Variants in HMCN1 observed in about 807,000 individuals in gnomAD.
The protein encoded by HMCN1 is hemicentin-1.
HMCN1 carries 321 observed loss-of-function variants against 625.9 expected under a neutral mutation model. The ratio of observed to expected loss-of-function variants is 0.51; its 90% CI spans 0.47 to 0.56. The LOEUF is 0.56. Ranked by LOEUF, HMCN1 falls within the 20% of genes least tolerant of loss-of-function variation. The probability of loss-of-function intolerance (pLI) is 0.00; values close to 1 mark genes in which losing one functional copy is unlikely to be tolerated. For synonymous variants in HMCN1, 2,425 were observed against 2,417.6 expected (o/e 1.00, Z -0.09); for missense variants, 6,588 against 6,887.3 (o/e 0.96, Z 1.54).
At position 186,137,695 on chromosome 1, in the gene HMCN1, C is replaced by A. The variant is rs758626396; in HGVS notation, c.13753+27C>A. The A allele has an allele frequency of 1.9e-6, 3 of 1,613,824 alleles. No homozygotes were observed. In the East Asian group the frequency reaches 6.7e-5, roughly 36 times the overall value. Reference sequence around the variant, plus strand: ...TACACCTCCTTATTTAACTGATAGGCATGTGTTTAATAGACCTTCATTTCT... The same window carrying A: ...TACACCTCCTTATTTAACTGATAGGAATGTGTTTAATAGACCTTCATTTCT... On this transcript the variant is annotated intron_variant, in intron 88 of 106. Transcript: ENST00000271588.
chr1:185,776,520 T>A (rs988259335), intron 1 of HMCN1, among the ~76,000 whole-genome samples: 2 of 151,798 alleles, frequency 1.3e-5, no homozygotes, highest in African/African-American at 4.8e-5. Context: ...TAATGTGGAG[T>A]AAATACAAAT....
At chr1:186,079,589 T>C (rs868447736) in intron 55 of HMCN1, among the ~76,000 whole-genome samples, 1 of 152,190 alleles carries the variant, frequency 6.6e-6, no homozygotes, top group Non-Finnish European at 1.5e-5. Flanking sequence ...TGCCTCTGCC[T>C]ATTCCTTGAC....
chr1:185,754,731 C>T (rs1200349534), intron 1 of HMCN1, among the ~76,000 whole-genome samples: 1 of 152,018 alleles, frequency 6.6e-6, no homozygotes, highest in Admixed American at 6.6e-5. Context: ...GCCTGTAGTC[C>T]CAGCTACTTG....
At chr1:186,123,407 C>T (rs1016640933) in intron 81 of HMCN1, among the ~76,000 whole-genome samples, 187 bp downstream of exon 81, 1 of 152,102 alleles carries the variant, frequency 6.6e-6, no homozygotes, top group Admixed American at 6.5e-5. Context: ...TGTGTTTGTG[C>T]ACATAGGTGT....
At chr1:186,010,173 G>C (rs188249033) in intron 30 of HMCN1, among the ~76,000 whole-genome samples, 5 of 151,976 alleles carry the variant, frequency 3.3e-5, no homozygotes, top group Non-Finnish European at 5.9e-5. Context: ...AGGGGTGTGC[G>C]TGTCTGTGTG....
chr1:185,797,793 C>A lies in HMCN1; in HGVS notation c.269-48233C>A, dbSNP rs1194427448. ...CATCCCGGCTAAAACGGTGAAACCC[C>A]GTCTCTACTAAAAATACAAAAAATT... On this transcript the variant is annotated intron_variant, in intron 1 of 106. Coordinates refer to ENST00000271588, the MANE Select transcript of HMCN1 (RefSeq NM_031935.3). 1.4e-5 allele frequency among the ~76,000 whole-genome samples: 2 copies of A among 140,972 alleles called. 1 individual carries two copies. Among genetic ancestry groups the A allele is most frequent in the African/African-American group, 6.3e-5 (2 of 31,920 alleles). 92.5% of individuals were successfully genotyped at this position (140,972 alleles called of 152,430 possible).
intron 1 of HMCN1, among the ~76,000 whole-genome samples, chr1:185,737,011 G>A (rs1653622435): frequency 6.6e-6 from 1 of 152,080 alleles, no homozygotes; most frequent in Non-Finnish European, 1.5e-5. Flanking sequence ...AAAATAAAGA[G>A]AGAAATTGAA....
At chr1:185,862,792 A>G (rs1347086101) in intron 2 of HMCN1, among the ~76,000 whole-genome samples, 2 of 152,204 alleles carry the variant, frequency 1.3e-5, no homozygotes, top group Non-Finnish European at 2.9e-5. Context: ...ATATTTTCCA[A>G]AGTGAAGATC....
rs577208572 is a variant in HMCN1, at chr1:186,165,749, C to T, written c.15320-435C>T. Among the ~76,000 whole-genome samples the T allele has an allele frequency of 5.3e-5, 8 of 152,298 alleles. No individual in the cohort carries two copies. In the South Asian group the frequency reaches 1.7e-3, roughly 32 times the overall value. On this transcript the variant is annotated intron_variant, in intron 98 of 106. Transcript: ENST00000271588. ...TCTTGTGATAAAGAGGTGGTCTTTCCACTGCCCAGGCACAAATCACAGCCC... is the reference window on the plus strand; with the variant it reads ...TCTTGTGATAAAGAGGTGGTCTTTCTACTGCCCAGGCACAAATCACAGCCC...
At chr1:185,814,222 C>G (rs1290575691) in intron 1 of HMCN1, among the ~76,000 whole-genome samples, 3 of 152,138 alleles carry the variant, frequency 2.0e-5, no homozygotes, top group Admixed American at 6.5e-5. Context: ...GTACAGGCCA[C>G]TCTTTTGAAG....
chr1:186,111,407 G>T (rs757103218), intron 71 of HMCN1, among the ~76,000 whole-genome samples: 2 of 152,002 alleles, frequency 1.3e-5, no homozygotes, highest in African/African-American at 2.4e-5. Context: ...CCAGCACTTC[G>T]GAAGGCCAAG....
At chr1:186,122,907 CT>C (rs1558240126) in intron 80 of HMCN1, 43 bp from the exon 81 acceptor site, 1 of 1,599,132 alleles carries the variant, frequency 6.3e-7, no homozygotes, top group Non-Finnish European at 8.5e-7. Flanking sequence ...CGCACTCATG[CT>C]TCTAAGATAA....
At chr1:185,835,421 TG>T (rs1661107470) in intron 1 of HMCN1, among the ~76,000 whole-genome samples, 1 of 151,118 alleles carries the variant, frequency 6.6e-6, no homozygotes, top group East Asian at 2.0e-4. Context: ...CGCAGTGCAT[TG>T]GTGACTTGTA....
chr1:185,800,504 T>A (rs902317902), intron 1 of HMCN1, among the ~76,000 whole-genome samples: 2 of 152,150 alleles, frequency 1.3e-5, no homozygotes, highest in Non-Finnish European at 2.9e-5. Context: ...TCTGTAAATA[T>A]GACTAATTAT....
At position 186,076,586 on chromosome 1, in the gene HMCN1, C is replaced by T. The variant is rs763457985; in HGVS notation, c.8449C>T (p.Pro2817Ser). 6.2e-7 allele frequency: 1 copy of T among 1,613,752 alleles called. No homozygotes were observed. Among genetic ancestry groups the T allele is most frequent in the East Asian group, 2.2e-5 (1 of 44,868 alleles). The change falls in exon 54 of 107, where the codon CCT (proline) becomes TCT (serine). Residue 2817 changes from proline (P) to serine (S), a missense_variant. Pro to Ser is a moderately conservative substitution (Grantham distance 74). This residue lies in a region of HMCN1 where 4,628 missense variants were observed against 4,853.1 expected (regional missense o/e 0.95). Transcript: ENST00000271588. ...ACTGACATGGTACAAAGATGGCCACCCTCTGACCTCAAGTGATAAAGTATT... is the reference window on the plus strand; with the variant it reads ...ACTGACATGGTACAAAGATGGCCACTCTCTGACCTCAAGTGATAAAGTATT... ...PTLTWYKDGH[P>S]LTSSDKVLIL...
chr1:185,756,381 A>C (rs1655134781), intron 1 of HMCN1, among the ~76,000 whole-genome samples: 1 of 151,900 alleles, frequency 6.6e-6, no homozygotes, highest in African/African-American at 2.4e-5. Flanking sequence ...AAAAGGGTAC[A>C]TGCCTTGAGT....
At chr1:185,913,778 T>C (rs949005280) in intron 6 of HMCN1, among the ~76,000 whole-genome samples, 6 of 152,178 alleles carry the variant, frequency 3.9e-5, no homozygotes, top group Admixed American at 3.9e-4. Context: ...ATTCATTCAG[T>C]CATGCATTCA....
chr1:185,760,527 T>A (rs1655425816), intron 1 of HMCN1, among the ~76,000 whole-genome samples: 1 of 152,200 alleles, frequency 6.6e-6, no homozygotes, highest in Non-Finnish European at 1.5e-5. Context: ...TTTTTTTAAA[T>A]TTATTCATTA....
chr1:186,173,408 T>G (rs946209295), intron 102 of HMCN1, among the ~76,000 whole-genome samples: 2 of 151,990 alleles, frequency 1.3e-5, no homozygotes, highest in Non-Finnish European at 2.9e-5. Context: ...CCTTATCATT[T>G]AAGAGTAGCA....
Sources: allele counts gnomAD v4.1 joint callset (sites outside exome capture counted in the v4.1 genomes callset), GRCh38; gene constraint gnomAD v4.1.1; regional missense constraint gnomAD v4.1.1; transcripts MANE v1.5; gene names NCBI Gene and HGNC (gene_info 2026-07-23, HGNC 2026-07-21).